The following TENM3 variants were observed in gnomAD, a reference collection of about 807,000 sequenced individuals.
TENM3 encodes teneurin transmembrane protein 3.
TENM3 carries 63 observed loss-of-function variants against 255.1 expected under a neutral mutation model. That is an observed-to-expected ratio of 0.25 (90% CI 0.20 to 0.30). The LOEUF (loss-of-function observed/expected upper bound fraction) is 0.30, where lower values mean the gene tolerates loss of function less well. Ranked by LOEUF, TENM3 falls within the 10% of genes least tolerant of loss-of-function variation. The pLI, the probability that TENM3 is intolerant of heterozygous loss-of-function variation, is 1.00. For synonymous variants in TENM3, 1,306 were observed against 1,322.3 expected, an observed-to-expected ratio of 0.99 and a Z score of 0.27; for missense variants, 2,929 against 3,461.1, an observed-to-expected ratio of 0.85 and a Z score of 3.86.
chr4:182,273,453 G>A (rs1759783285), intron 1 of TENM3, among the ~76,000 whole-genome samples: 1 of 152,228 alleles, frequency 6.6e-6, no homozygotes, highest in Admixed American at 6.5e-5. Context: ...ACCCCAAGAA[G>A]CCTGATTAGG....
the TENM3 span, among the ~76,000 whole-genome samples, chr4:182,003,950 A>G: frequency 6.6e-6 from 1 of 152,082 alleles, no homozygotes; most frequent in Non-Finnish European, 1.5e-5. Context: ...GCCTTTCAAG[A>G]CTTAACTTGT....
the TENM3 span, among the ~76,000 whole-genome samples, chr4:181,585,981 C>A: frequency 6.6e-6 from 1 of 152,160 alleles, no homozygotes; most frequent in Non-Finnish European, 1.5e-5. Flanking sequence ...AGTAATAATT[C>A]TAATTCAAGA....
chr4:181,889,930 A>G, the TENM3 span, among the ~76,000 whole-genome samples: 1 of 152,272 alleles, frequency 6.6e-6, no homozygotes, highest in Admixed American at 6.5e-5. Flanking sequence ...ATACAGAAAA[A>G]TATAATTTCT....
At chr4:181,672,182 C>T in the TENM3 span, among the ~76,000 whole-genome samples, 152 of 152,152 alleles carry the variant, frequency 1.0e-3, no homozygotes, top group African/African-American at 3.5e-3. Context: ...CCACAAGGCT[C>T]CAGTGTCCCA....
the TENM3 span, among the ~76,000 whole-genome samples, chr4:181,808,657 A>C: frequency 1.3e-5 from 2 of 152,220 alleles, no homozygotes; most frequent in African/African-American, 2.4e-5. Context: ...AAGAAATTGC[A>C]TGTGAAAATG....
At chr4:181,806,144 G>A in the TENM3 span, among the ~76,000 whole-genome samples, 2 of 152,296 alleles carry the variant, frequency 1.3e-5, no homozygotes, top group African/African-American at 2.4e-5. Context: ...TACGTGGTCC[G>A]TAGTACTTAA....
chr4:182,037,786 G>A, the TENM3 span, among the ~76,000 whole-genome samples: 3 of 152,276 alleles, frequency 2.0e-5, no homozygotes, highest in East Asian at 5.8e-4. Context: ...TTGGTGAGGA[G>A]CATAGGACAT....
chr4:182,240,012 A>C (rs1296951993), upstream of TENM3, among the ~76,000 whole-genome samples: 2 of 152,196 alleles, frequency 1.3e-5, no homozygotes, highest in African/African-American at 4.8e-5. Context: ...AAAAAACAAT[A>C]CTGTAATAAC....
the TENM3 span, among the ~76,000 whole-genome samples, chr4:181,702,965 A>C: frequency 6.6e-6 from 1 of 152,234 alleles, no homozygotes; most frequent in African/African-American, 2.4e-5. Context: ...CTATATGCTA[A>C]GTACTCCAAT....
chr4:181,637,427 T>A, the TENM3 span, among the ~76,000 whole-genome samples: 1 of 152,162 alleles, frequency 6.6e-6, no homozygotes, highest in Non-Finnish European at 1.5e-5. Flanking sequence ...TACCCACTCC[T>A]TAAGCCAGAA....
At chr4:182,583,331 C>CTG (rs1745685244) in intron 3 of TENM3, among the ~76,000 whole-genome samples, 3 of 121,392 alleles carry the variant, frequency 2.5e-5, no homozygotes, top group Non-Finnish European at 5.1e-5. Context: ...AAGCTTAAAC[C>CTG]TCTGTGTGTG....
chr4:182,361,889 G>C (rs1168002785), intron 3 of TENM3, among the ~76,000 whole-genome samples: 1 of 152,132 alleles, frequency 6.6e-6, no homozygotes, highest in African/African-American at 2.4e-5. Flanking sequence ...GTACAGATGG[G>C]TTTTTGGTGT....
the TENM3 span, among the ~76,000 whole-genome samples, chr4:181,473,757 T>TTATGTGTATGTACACATACATACCTATG: frequency 0.025 from 3,714 of 146,278 alleles, 180 homozygotes; most frequent in African/African-American, 0.087. Flanking sequence ...AATTATATAA[T>TTATGTGTATGTACACATACATACCTATG]TATGTGTATG....
At chr4:182,028,888 C>T in the TENM3 span, among the ~76,000 whole-genome samples, 1 of 152,024 alleles carries the variant, frequency 6.6e-6, no homozygotes, top group Non-Finnish European at 1.5e-5. Flanking sequence ...GAGAAAGATC[C>T]ATGTGCTGAG....
chr4:181,972,710 C>T, the TENM3 span, among the ~76,000 whole-genome samples: 2 of 152,100 alleles, frequency 1.3e-5, no homozygotes, highest in Non-Finnish European at 2.9e-5. Flanking sequence ...CTCCTCAGCA[C>T]CTGAATCCAT....
chr4:182,621,577 A>G (rs1348913817), intron 4 of TENM3, among the ~76,000 whole-genome samples: 2 of 136,370 alleles, frequency 1.5e-5, no homozygotes, highest in African/African-American at 5.4e-5. Flanking sequence ...AGCCTGAACA[A>G]CATAGGGAGA....
In TENM3 at chr4:182,802,259, A is replaced by G. The variant is rs573535568; in HGVS notation, c.*1908A>G. On this transcript the variant is annotated 3_prime_UTR_variant, in exon 28 of 28. Coordinates refer to ENST00000511685, the MANE Select transcript of TENM3 (RefSeq NM_001080477.4). ...TGAATGCTGATGATATTTTATTAGA[A>G]TGAAAGCACAGATTAGCATTAATAT... 6.5e-6 allele frequency: 1 copy of G among 152,794 alleles called. No homozygotes were observed. The highest frequency in any genetic ancestry group is 2.1e-4 in the South Asian group (1 of 4,818). The allele number at this position is 152,794 out of a possible 1,614,324, so 9.5% of individuals were successfully genotyped here. A position where few individuals can be genotyped will look rare whatever the true frequency, so the allele number is the denominator to read the frequency against.
Position 182,799,971 on chromosome 4 carries a change from G to A in TENM3, c.7720G>A (p.Gly2574Ser), listed in dbSNP as rs1436481667. ...LTSGRKALENGINVTVSQSTT... is the reference protein window; with the variant it reads ...LTSGRKALENSINVTVSQSTT... ...CAGCGGCCGCAAGGCGCTGGAGAAC[G>A]GCATCAACGTGACGGTGTCGCAGTC... is the stretch of plus-strand genomic sequence containing the variant. Residue 2574 changes from glycine (G) to serine (S), a missense_variant, in exon 28 of 28, where the codon GGC (glycine) becomes AGC (serine). Gly to Ser is a moderately conservative substitution (Grantham distance 56, BLOSUM62 0). Transcript: ENST00000511685. The surrounding 1 kb of genome is among the most constrained non-coding windows in gnomAD (Gnocchi z 4.2). The A allele has an allele frequency of 1.9e-6, 3 of 1,591,878 alleles. No homozygotes were observed. The highest frequency in any genetic ancestry group is 2.6e-6 in the Non-Finnish European group (3 of 1,169,986).
chr4:181,699,828 T>G, the TENM3 span, among the ~76,000 whole-genome samples: 3 of 152,196 alleles, frequency 2.0e-5, no homozygotes, highest in Non-Finnish European at 4.4e-5. Flanking sequence ...ACCTCCACAA[T>G]TAACGAAAGG....
Sources: gnomAD v4.1 joint callset for allele counts (sites outside exome capture counted in the v4.1 genomes callset) on GRCh38, gnomAD v4.1.1 for gene constraint, Gnocchi (gnomAD v3.1) non-coding constraint, MANE v1.5 for transcripts, NCBI Gene and HGNC (gene_info 2026-07-23, HGNC 2026-07-21) for gene names.